FBN1: variants seen among roughly 807,000 people sequenced by gnomAD.
The protein encoded by FBN1 is fibrillin-1.
Under a neutral mutation model 365.1 loss-of-function variants are expected in FBN1, and 29 were observed. The ratio of observed to expected loss-of-function variants is 0.08; its 90% CI spans 0.06 to 0.11. The LOEUF (loss-of-function observed/expected upper bound fraction) is 0.11, where lower values mean the gene tolerates loss of function less well. FBN1 is among the 10% of genes least tolerant of loss of function. The probability of loss-of-function intolerance (pLI) is 1.00; values close to 1 mark genes in which losing one functional copy is unlikely to be tolerated. For synonymous variants in FBN1, 1,210 were observed against 1,270.5 expected, an observed-to-expected ratio of 0.95 and a Z score of 1.01; for missense variants, 2,476 against 3,703.2, an observed-to-expected ratio of 0.67 and a Z score of 8.60.
chr15:48,494,069 T>A, intron 23 of FBN1, 135 bp downstream of exon 23: 1 of 726,302 alleles, frequency 1.4e-6, no homozygotes. Context: ...TGTTCCGTTT[T>A]GTAGTTCTCA....
At chr15:48,551,579 G>C (rs1261618327) in intron 6 of FBN1, among the ~76,000 whole-genome samples, 2 of 150,122 alleles carry the variant, frequency 1.3e-5, no homozygotes, top group African/African-American at 4.9e-5. Flanking sequence ...AGGTAAACTT[G>C]TGTCAAGGGG....
At chr15:48,516,047 A>G (rs886187273) in intron 11 of FBN1, 136 bp downstream of exon 11, 77 of 849,082 alleles carry the variant, frequency 9.1e-5, no homozygotes, top group Non-Finnish European at 1.2e-4. Context: ...ATAGATATAG[A>G]TAACATTATG....
intron 2 of FBN1, among the ~76,000 whole-genome samples, chr15:48,623,428 T>C (rs1889807996): frequency 6.6e-6 from 1 of 152,250 alleles, no homozygotes. Context: ...AAGTTACCCA[T>C]GTTTATAACT....
chr15:48,527,606 A>G (rs2043925412), intron 8 of FBN1, among the ~76,000 whole-genome samples: 1 of 152,246 alleles, frequency 6.6e-6, no homozygotes, highest in Non-Finnish European at 1.5e-5. Context: ...CATTTATAAG[A>G]CAAAATAGAG....
At chr15:48,554,978 C>A (rs1874904344) in intron 6 of FBN1, among the ~76,000 whole-genome samples, 1 of 152,298 alleles carries the variant, frequency 6.6e-6, no homozygotes, top group East Asian at 1.9e-4. Context: ...AACCTTTATA[C>A]CCAACATGCA....
chr15:48,565,292 T>A (rs1301500254), intron 6 of FBN1, among the ~76,000 whole-genome samples: 1 of 152,088 alleles, frequency 6.6e-6, no homozygotes, highest in Non-Finnish European at 1.5e-5. Context: ...TTTATTAATT[T>A]TATACTTGTG....
rs577761515 is a variant in FBN1, at chr15:48,511,041, C to G, written c.1589-872G>C. ...GGGCTTATTCCCAGAAGACAGGGAC[C>G]AAGAAACTATGTGGAGTTGGATGCG... On this transcript the variant is annotated intron_variant, in intron 13 of 65. Transcript: ENST00000316623. Among the ~76,000 whole-genome samples the G allele has an allele frequency of 7.9e-5, 12 of 152,286 alleles. No homozygotes were observed. The South Asian group carries it at 2.3e-3, about 29-fold the overall frequency.
chr15:48,438,579 G>A (rs919935804), intron 50 of FBN1, among the ~76,000 whole-genome samples: 2 of 149,970 alleles, frequency 1.3e-5, no homozygotes, highest in Non-Finnish European at 3.0e-5. Flanking sequence ...ATGCAGAGCT[G>A]TGTCAATGTT....
intron 65 of FBN1, among the ~76,000 whole-genome samples, chr15:48,411,742 A>G (rs1035861740): frequency 2.0e-5 from 3 of 152,228 alleles, no homozygotes; most frequent in Admixed American, 1.3e-4. Flanking sequence ...CCAACAATCA[A>G]TTTTAACAAG....
intron 22 of FBN1, among the ~76,000 whole-genome samples, chr15:48,494,736 G>A (rs2043589755): frequency 6.6e-6 from 1 of 152,192 alleles, no homozygotes; most frequent in Non-Finnish European, 1.5e-5. Context: ...GTTCCCAACA[G>A]ATTTAGAAGT....
At chr15:48,590,114 C>T (rs1226274661) in intron 6 of FBN1, among the ~76,000 whole-genome samples, 1 of 152,170 alleles carries the variant, frequency 6.6e-6, no homozygotes, top group East Asian at 1.9e-4. Flanking sequence ...TAGTGATAGC[C>T]ACCTACAATT....
chr15:48,437,599 A>G, intron 51 of FBN1, 169 bp downstream of exon 51: 2 of 863,658 alleles, frequency 2.3e-6, no homozygotes, highest in Middle Eastern at 3.5e-4. Context: ...ATAATTAAAA[A>G]GAAAATAACT....
chr15:48,546,463 G>C (rs2141368429), intron 6 of FBN1, among the ~76,000 whole-genome samples: 1 of 152,320 alleles, frequency 6.6e-6, no homozygotes, highest in African/African-American at 2.4e-5. Flanking sequence ...GAGACAGCAA[G>C]AACAGTGGCT....
intron 50 of FBN1, among the ~76,000 whole-genome samples, chr15:48,438,302 T>C (rs1011631701): frequency 1.3e-5 from 2 of 152,204 alleles, no homozygotes; most frequent in East Asian, 1.9e-4. Context: ...GCTTGCAATA[T>C]CATGTTTAAT....
At position 48,468,029 on chromosome 15, in the gene FBN1, T is replaced by A; in HGVS notation, c.4656A>T (p.Glu1552Asp). The A allele has an allele frequency of 6.2e-7, 1 of 1,614,136 alleles. No individual in the cohort carries two copies. Among genetic ancestry groups the A allele is most frequent in the Non-Finnish European group, 8.5e-7 (1 of 1,180,004 alleles). Residue 1552 changes from glutamate (E) to aspartate (D), a missense_variant, in exon 38 of 66, where the codon GAA (glutamate) becomes GAT (aspartate). Coordinates refer to ENST00000316623, the MANE Select transcript of FBN1 (RefSeq NM_000138.5). Reference protein sequence around the residue: ...GDNGDTACSNEIGVGVSKASC... With the variant: ...GDNGDTACSNDIGVGVSKASC... ...AAGCTTTGGAAACACCAACTCCAAT[T>A]TCATTGCTGCAGGCTGTATCTCCAT...
At chr15:48,525,388 G>C (rs1169748770) in intron 9 of FBN1, among the ~76,000 whole-genome samples, 1 of 152,152 alleles carries the variant, frequency 6.6e-6, no homozygotes, top group East Asian at 1.9e-4. Context: ...ACTGCGCCCA[G>C]CCAAATCTAT....
In FBN1 at chr15:48,467,816, T is replaced by A; in HGVS notation, c.4747+122A>T. 6 of 941,066 alleles carry A rather than the reference T, an allele frequency of 6.4e-6. No individual in the cohort carries two copies. The South Asian group carries it at 8.0e-5, about 12-fold the overall frequency. The allele number at this position is 941,066 out of a possible 1,614,324, so 58.3% of individuals were successfully genotyped here. ...CTCGAATTGGGAATAAGGTCCCCTC[T>A]ACAGGGCTGAGAGGACTGATCTTTC... On this transcript the variant is annotated intron_variant, in intron 38 of 65. Coordinates refer to ENST00000316623, the MANE Select transcript of FBN1 (RefSeq NM_000138.5).
intron 4 of FBN1, among the ~76,000 whole-genome samples, chr15:48,601,376 C>T (rs562714195): frequency 6.6e-6 from 1 of 152,304 alleles, no homozygotes; most frequent in East Asian, 1.9e-4. Context: ...ACCACTAATC[C>T]TTGTTGATAC....
At chr15:48,473,619 T>C in intron 34 of FBN1, among the ~76,000 whole-genome samples, 1 of 152,140 alleles carries the variant, frequency 6.6e-6, no homozygotes, top group Admixed American at 6.5e-5. Context: ...CATAGCAGGT[T>C]TGAAATTTTT....
Sources: gnomAD v4.1 joint callset for allele counts (sites outside exome capture counted in the v4.1 genomes callset) on GRCh38, gnomAD v4.1.1 for gene constraint, MANE v1.5 for transcripts, NCBI Gene and HGNC (gene_info 2026-07-23, HGNC 2026-07-21) for gene names.